The following PTPN13 variants were observed in gnomAD, a reference collection of about 807,000 sequenced individuals.
The protein encoded by PTPN13 is tyrosine-protein phosphatase non-receptor type 13.
PTPN13 carries 191 observed loss-of-function variants against 284.0 expected under a neutral mutation model. That is an observed-to-expected ratio of 0.67 (90% CI 0.60 to 0.76). PTPN13 has a LOEUF of 0.76. PTPN13 is among the 30% of genes least tolerant of loss of function. The pLI is 0.00. For missense variants in PTPN13, 2,797 were observed against 2,939.9 expected (o/e 0.95, Z 1.12); for synonymous variants, 986 against 1,022.3 (o/e 0.96, Z 0.68).
chr4:86,668,006 A>G lies in PTPN13; in HGVS notation c.116-4359A>G, dbSNP rs568814253. 7.2e-4 allele frequency among the ~76,000 whole-genome samples: 109 copies of G among 152,330 alleles called. 1 individual carries two copies. The highest frequency in any genetic ancestry group is 1.4e-3 in the Non-Finnish European group (94 of 68,024). ...GATGAACATAAAATGATCTTAGTTT[A>G]AAAGAACATTGGAAAGAAGCTCTAA... On this transcript the variant is annotated intron_variant, in intron 2 of 47. Coordinates refer to ENST00000411767, the MANE Select transcript of PTPN13 (RefSeq NM_080683.3).
chr4:86,752,641 C>T (rs988830689), intron 19 of PTPN13, among the ~76,000 whole-genome samples: 2 of 152,050 alleles, frequency 1.3e-5, no homozygotes, highest in Non-Finnish European at 2.9e-5. Context: ...CTATAGAAAA[C>T]ATAAAACACT....
chr4:86,728,663 T>TATTTATTTA (rs1374840490), intron 10 of PTPN13, among the ~76,000 whole-genome samples: 2 of 111,582 alleles, frequency 1.8e-5, no homozygotes, highest in African/African-American at 6.5e-5. Context: ...TTTTTTTTTT[T>TATTTATTTA]TTTTTTTTTT....
At position 86,628,775 on chromosome 4, in the gene PTPN13, A is replaced by G. The variant is rs563626555; in HGVS notation, c.-5-6477A>G. ...GTGTTTGGTTTTTTGTTCTTGCGAT[A>G]GTTTACTGAGAATGATGGTTTCCAA... On this transcript the variant is annotated intron_variant, in intron 1 of 47. Coordinates refer to ENST00000411767, the MANE Select transcript of PTPN13 (RefSeq NM_080683.3). 2.4e-3 allele frequency among the ~76,000 whole-genome samples: 350 copies of G among 145,710 alleles called. 11 individuals carry two copies. Among genetic ancestry groups the G allele is most frequent in the Admixed American group, 0.023 (326 of 14,176 alleles).
chr4:86,758,151 GTGAC>G, intron 20 of PTPN13, 105 bp from the exon 21 acceptor site: 2 of 622,656 alleles, frequency 3.2e-6, no homozygotes, highest in Middle Eastern at 3.3e-4. Flanking sequence ...ATATGTTTAA[GTGAC>G]TGAGCAATTA....
Position 86,770,952 on chromosome 4 carries a change from CAA to C in PTPN13, c.4804-216_4804-215del, listed in dbSNP as rs377046685. 4.6e-5 allele frequency among the ~76,000 whole-genome samples: 7 copies of C among 152,196 alleles called. No homozygotes were observed. The East Asian group carries it at 1.4e-3, about 29-fold the overall frequency. ...AACCCTAATTTTTGAGAGTATGAGACAAAATATATAATACTACTGTAGTTCTA... is the reference window on the plus strand; with the variant it reads ...AACCCTAATTTTTGAGAGTATGAGACAATATATAATACTACTGTAGTTCTA... On this transcript the variant is annotated intron_variant, in intron 30 of 47. Transcript: ENST00000411767.
At chr4:86,649,780 A>G (rs950837842) in intron 2 of PTPN13, among the ~76,000 whole-genome samples, 5 of 152,158 alleles carry the variant, frequency 3.3e-5, no homozygotes, top group Non-Finnish European at 7.4e-5. Flanking sequence ...TGATATTCTA[A>G]TAGTGATTGT....
chr4:86,597,920 G>A lies in PTPN13; in HGVS notation c.-6+3131G>A, dbSNP rs142462853. 8.9e-3 allele frequency among the ~76,000 whole-genome samples: 1,355 copies of A among 152,238 alleles called. 6 individuals carry two copies. The highest frequency in any genetic ancestry group is 0.013 in the Non-Finnish European group (909 of 68,008). ...TTTAGATGTGTTTGCCTTATCCTGT[G>A]CTCTGCCATTGAATCCTGCTTTTTT... On this transcript the variant is annotated intron_variant, in intron 1 of 47. Coordinates refer to ENST00000411767, the MANE Select transcript of PTPN13 (RefSeq NM_080683.3).
At chr4:86,689,889 G>A in intron 5 of PTPN13, 1 of 601,928 alleles carries the variant, frequency 1.7e-6, no homozygotes, top group Non-Finnish European at 2.9e-6. Context: ...TATCCTTAGG[G>A]TTGTAGTCCT....
At position 86,814,751 on chromosome 4, in the gene PTPN13, A is replaced by G; in HGVS notation, c.*200A>G. ...ACAGCTACTTTAACCTATGATAATT[A>G]TTTACAAAATTTTAACACTAACCAA... On this transcript the variant is annotated 3_prime_UTR_variant, in exon 48 of 48. Coordinates refer to ENST00000411767, the MANE Select transcript of PTPN13 (RefSeq NM_080683.3). 1 of 491,482 alleles carries G rather than the reference A, an allele frequency of 2.0e-6. No individual in the cohort carries two copies. The highest frequency in any genetic ancestry group is 3.7e-6 in the Non-Finnish European group (1 of 273,212). 30.4% of individuals were successfully genotyped at this position (491,482 alleles called of 1,614,324 possible).
chr4:86,799,587 C>T (rs1743760645), intron 42 of PTPN13, among the ~76,000 whole-genome samples: 1 of 151,958 alleles, frequency 6.6e-6, no homozygotes, highest in Non-Finnish European at 1.5e-5. Context: ...ACCTCAGCTT[C>T]CCAAAGTGCT....
At chr4:86,768,976 C>T (rs1282454804) in intron 28 of PTPN13, among the ~76,000 whole-genome samples, 2 of 152,102 alleles carry the variant, frequency 1.3e-5, no homozygotes, top group Non-Finnish European at 2.9e-5. Context: ...TCCCAAAATG[C>T]TGGGATTACA....
chr4:86,759,612 G>T (rs1578595368), intron 23 of PTPN13, among the ~76,000 whole-genome samples: 2 of 152,304 alleles, frequency 1.3e-5, no homozygotes, highest in Admixed American at 6.5e-5. Context: ...AAGCACAATA[G>T]GCCCCTGTGG....
chr4:86,717,387 C>T (rs531464120), intron 9 of PTPN13, among the ~76,000 whole-genome samples: 8 of 152,128 alleles, frequency 5.3e-5, no homozygotes, highest in African/African-American at 9.6e-5. Flanking sequence ...TGGGGTTTCA[C>T]CATATTGGCC....
chr4:86,758,497 GC>G, intron 21 of PTPN13, 148 bp downstream of exon 21: 2 of 893,790 alleles, frequency 2.2e-6, no homozygotes, highest in Non-Finnish European at 3.4e-6. Context: ...CAACCTACCC[GC>G]CCAGTCACCA....
chr4:86,667,963 C>G (rs1727267838), intron 2 of PTPN13, among the ~76,000 whole-genome samples: 1 of 151,968 alleles, frequency 6.6e-6, no homozygotes, highest in African/African-American at 2.4e-5. Context: ...ATGGCAAGAA[C>G]CCTCAGGGAA....
At chr4:86,640,929 A>G (rs1723713732) in intron 2 of PTPN13, among the ~76,000 whole-genome samples, 1 of 152,224 alleles carries the variant, frequency 6.6e-6, no homozygotes, top group Admixed American at 6.5e-5. Flanking sequence ...GAGTATTATC[A>G]GTAATACAGA....
chr4:86,751,127 C>G lies in PTPN13; in HGVS notation c.3166+3C>G. ...CCCTGGGCAAGCATATGTTCTAGGT[C>G]AGCAAAAACAAGCTTACCTTCTTTG... On this transcript the variant is annotated splice_donor_region_variant and intron_variant, in intron 19 of 47. Coordinates refer to ENST00000411767, the MANE Select transcript of PTPN13 (RefSeq NM_080683.3). The G allele has an allele frequency of 1.3e-6, 2 of 1,558,820 alleles. No homozygotes were observed. Among genetic ancestry groups the G allele is most frequent in the East Asian group, 4.5e-5 (2 of 44,524 alleles).
chr4:86,607,450 C>G (rs1220828494), intron 1 of PTPN13, among the ~76,000 whole-genome samples: 1 of 151,808 alleles, frequency 6.6e-6, no homozygotes, highest in Admixed American at 6.6e-5. Flanking sequence ...GAAATTGAGA[C>G]GTAGTATATT....
chr4:86,814,153 C>G lies in PTPN13; in HGVS notation c.7363-303C>G, dbSNP rs374139992. 2.7e-3 allele frequency among the ~76,000 whole-genome samples: 409 copies of G among 151,452 alleles called. 3 individuals are homozygous for G. Among genetic ancestry groups the G allele is most frequent in the African/African-American group, 9.2e-3 (380 of 41,298 alleles). Reference sequence around the variant, plus strand: ...TCCCAAGTAGCTGGGACTACAGGCGCGTGCCACGACGCCCAGCTAATTTTT... The same window carrying G: ...TCCCAAGTAGCTGGGACTACAGGCGGGTGCCACGACGCCCAGCTAATTTTT... On this transcript the variant is annotated intron_variant, in intron 47 of 47. Transcript: ENST00000411767.
Sources: allele counts gnomAD v4.1 joint callset (sites outside exome capture counted in the v4.1 genomes callset), GRCh38; gene constraint gnomAD v4.1.1; transcripts MANE v1.5; gene names NCBI Gene and HGNC (gene_info 2026-07-23, HGNC 2026-07-21).